SLC24A3: variants seen among roughly 807,000 people sequenced by gnomAD.
The protein encoded by SLC24A3 is solute carrier family 24 member 3.
In SLC24A3, 28 loss-of-function variants were observed where a neutral mutation model predicts 75.8. The ratio of observed to expected loss-of-function variants is 0.37; its 90% CI spans 0.27 to 0.51. The LOEUF (loss-of-function observed/expected upper bound fraction) is 0.51, where lower values mean the gene tolerates loss of function less well. Among genes scored for constraint, SLC24A3 ranks in the 20% least tolerant of loss-of-function variants. SLC24A3 has a pLI of 0.94. For synonymous variants in SLC24A3, 372 were observed against 334.1 expected, an observed-to-expected ratio of 1.11 and a Z score of -1.24; for missense variants, 663 against 847.8, an observed-to-expected ratio of 0.78 and a Z score of 2.71.
intron 1 of SLC24A3, among the ~76,000 whole-genome samples, chr20:19,214,983 G>C (rs1981513994): frequency 6.6e-6 from 1 of 152,168 alleles, no homozygotes; most frequent in Admixed American, 6.5e-5. Flanking sequence ...CAGCCTCCCT[G>C]TGTTGCCCCC....
intron 7 of SLC24A3, among the ~76,000 whole-genome samples, chr20:19,657,055 G>A (rs1022482374): frequency 1.3e-5 from 2 of 152,174 alleles, no homozygotes; most frequent in East Asian, 1.9e-4. Flanking sequence ...AGCTGAACAC[G>A]CAGGCTGCCA....
chr20:19,482,751 G>T (rs1260855451), intron 2 of SLC24A3, among the ~76,000 whole-genome samples: 1 of 152,232 alleles, frequency 6.6e-6, no homozygotes, highest in African/African-American at 2.4e-5. Context: ...ATTCTGGACA[G>T]TGAGAACCCT....
intron 1 of SLC24A3, among the ~76,000 whole-genome samples, chr20:19,273,568 G>T (rs1983392897): frequency 6.6e-6 from 1 of 152,282 alleles, no homozygotes; most frequent in East Asian, 1.9e-4. Flanking sequence ...CAGGAGGGCT[G>T]CCCCTCAGGG....
At chr20:19,339,960 C>T (rs748855891) in intron 2 of SLC24A3, among the ~76,000 whole-genome samples, 1 of 152,124 alleles carries the variant, frequency 6.6e-6, no homozygotes, top group African/African-American at 2.4e-5. Context: ...ACATTCTAAC[C>T]AGGACCCTGC....
chr20:19,689,608 G>A (rs1373718260), intron 12 of SLC24A3, among the ~76,000 whole-genome samples: 1 of 152,218 alleles, frequency 6.6e-6, no homozygotes, highest in East Asian at 1.9e-4. Flanking sequence ...AATGAATGAA[G>A]AATAAACCTA....
At chr20:19,661,488 C>A (rs1407392438) in intron 7 of SLC24A3, among the ~76,000 whole-genome samples, 1 of 152,140 alleles carries the variant, frequency 6.6e-6, no homozygotes, top group African/African-American at 2.4e-5. Context: ...AGAACTACAC[C>A]CACTCAAGGG....
chr20:19,265,732 C>A (rs1483245661), intron 1 of SLC24A3: 1 of 152,712 alleles, frequency 6.5e-6, no homozygotes, highest in Non-Finnish European at 1.5e-5. Context: ...ACTGTACTCA[C>A]CTTTATGTGC....
At chr20:19,231,690 T>C (rs924922942) in intron 1 of SLC24A3, among the ~76,000 whole-genome samples, 27 of 152,212 alleles carry the variant, frequency 1.8e-4, no homozygotes, top group African/African-American at 5.5e-4. Flanking sequence ...CTTCCAGAAC[T>C]GTATGGGGCT....
chr20:19,524,830 C>T (rs1295499947), intron 3 of SLC24A3, among the ~76,000 whole-genome samples: 2 of 152,108 alleles, frequency 1.3e-5, no homozygotes, highest in Non-Finnish European at 2.9e-5. Context: ...AGAACAAAAG[C>T]TAAGTAAATA....
intron 14 of SLC24A3, 60 bp downstream of exon 14, chr20:19,696,971 AAGGGAGGG>A (rs80191125): frequency 4.9e-5 from 15 of 305,212 alleles, no homozygotes; most frequent in African/African-American, 4.3e-4. Flanking sequence ...GGGAGGGAAG[AAGGGAGGG>A]AGGGAGGGAG....
At chr20:19,411,197 A>C (rs1986739155) in intron 2 of SLC24A3, among the ~76,000 whole-genome samples, 1 of 152,188 alleles carries the variant, frequency 6.6e-6, no homozygotes, top group Non-Finnish European at 1.5e-5. Flanking sequence ...ACACTTTTGC[A>C]TCAGGGCTCC....
intron 15 of SLC24A3, among the ~76,000 whole-genome samples, chr20:19,711,295 A>ACG (rs1308108720): frequency 2.0e-5 from 1 of 49,114 alleles, no homozygotes. Flanking sequence ...GCAAACACGC[A>ACG]CACACATGCA....
At chr20:19,719,981 G>A (rs953820658) in intron 16 of SLC24A3, among the ~76,000 whole-genome samples, 2 of 152,212 alleles carry the variant, frequency 1.3e-5, no homozygotes, top group Non-Finnish European at 2.9e-5. Context: ...TTGCAGAGTT[G>A]TGGGAGCTGG....
chr20:19,562,149 G>C (rs1046253290), intron 3 of SLC24A3, among the ~76,000 whole-genome samples: 10 of 152,232 alleles, frequency 6.6e-5, no homozygotes, highest in African/African-American at 2.4e-4. Context: ...CCCTGGGGAA[G>C]GTAACTGGAA....
At chr20:19,523,434 G>C (rs1009156330) in intron 3 of SLC24A3, among the ~76,000 whole-genome samples, 1 of 152,240 alleles carries the variant, frequency 6.6e-6, no homozygotes, top group East Asian at 1.9e-4. Flanking sequence ...TAAAACTGGT[G>C]TCCAGAGAGG....
In SLC24A3 at chr20:19,722,404, A is replaced by G. The variant is rs184422187; in HGVS notation, c.*1264A>G. 2.1e-3 allele frequency: 317 copies of G among 152,842 alleles called. No homozygotes were observed. Among genetic ancestry groups the G allele is most frequent in the African/African-American group, 7.2e-3 (301 of 41,596 alleles). The allele number at this position is 152,842 out of a possible 1,614,324, so 9.5% of individuals were successfully genotyped here. A position where few individuals can be genotyped will look rare whatever the true frequency, so the allele number is the denominator to read the frequency against. ...AGAGAACTGACACCTTTGAAACCAC[A>G]GAATGTGTTACATGCAGACTCGCTC... On this transcript the variant is annotated 3_prime_UTR_variant, in exon 17 of 17. Transcript: ENST00000328041.
intron 2 of SLC24A3, among the ~76,000 whole-genome samples, chr20:19,356,186 T>TA (rs2122332248): frequency 6.6e-6 from 1 of 152,176 alleles, no homozygotes; most frequent in East Asian, 1.9e-4. Context: ...ATATAGGGAG[T>TA]AACATAATGA....
intron 12 of SLC24A3, among the ~76,000 whole-genome samples, chr20:19,686,885 C>T (rs894720252): frequency 6.6e-6 from 1 of 152,206 alleles, no homozygotes; most frequent in Admixed American, 6.5e-5. Context: ...AAAAAATGTA[C>T]ACTCGTTCTT....
intron 2 of SLC24A3, among the ~76,000 whole-genome samples, chr20:19,476,262 G>C (rs959853807): frequency 2.6e-5 from 4 of 152,190 alleles, no homozygotes; most frequent in Admixed American, 6.5e-5. Context: ...ATATGTCCGA[G>C]CTTGCCTCAG....
Sources: gnomAD v4.1 joint callset for allele counts (sites outside exome capture counted in the v4.1 genomes callset) on GRCh38, gnomAD v4.1.1 for gene constraint, MANE v1.5 for transcripts, NCBI Gene and HGNC (gene_info 2026-07-23, HGNC 2026-07-21) for gene names.